HS3ST1: variants seen among roughly 807,000 people sequenced by gnomAD.
HS3ST1 encodes heparan sulfate-glucosamine 3-sulfotransferase 1, also known as heparan sulfate glucosamine 3-O-sulfotransferase 1.
HS3ST1 carries 8 observed loss-of-function variants against 20.7 expected under a neutral mutation model. The ratio of observed to expected loss-of-function variants is 0.39; its 90% CI spans 0.23 to 0.70. The LOEUF is 0.70. HS3ST1 is among the 30% of genes least tolerant of loss of function. The pLI is 0.46. For missense variants in HS3ST1, 436 were observed against 423.4 expected (o/e 1.03, Z -0.26); for synonymous variants, 205 against 190.4 (o/e 1.08, Z -0.63).
intron 1 of HS3ST1, among the ~76,000 whole-genome samples, chr4:11,410,085 A>G (rs1718577763): frequency 1.3e-5 from 2 of 152,374 alleles, no homozygotes; most frequent in Non-Finnish European, 2.9e-5. Context: ...GCAAGTCTGC[A>G]AAGAGCAATG....
In HS3ST1 at chr4:11,399,132, GC is replaced by G; in HGVS notation, c.873del (p.Glu291AspfsTer21). 6.2e-7 allele frequency: 1 copy of G among 1,614,000 alleles called. No individual in the cohort carries two copies. Among genetic ancestry groups the G allele is most frequent in the Non-Finnish European group, 8.5e-7 (1 of 1,179,916 alleles). On this transcript the variant is annotated frameshift_variant, in exon 2 of 2. Coordinates refer to ENST00000002596, the MANE Select transcript of HS3ST1 (RefSeq NM_005114.4). LOFTEE classifies it high-confidence loss of function. The surrounding 1 kb of genome is among the most constrained non-coding windows in gnomAD (Gnocchi z 5.1). ...ACAAGCTCGAAGAACTTCTTATTTGGCTCATGAAAATATTCGTGCAGTTTAT... is the reference window on the plus strand; with the variant it reads ...ACAAGCTCGAAGAACTTCTTATTTGGTCATGAAAATATTCGTGCAGTTTAT... Reference protein sequence around the residue: ...LLNKLHEYFHEPNKKFFELVG... With the variant: ...LLNKLHEYFHXPNKKFFELVG...
At chr4:11,402,261 C>A (rs575596889) in intron 1 of HS3ST1, among the ~76,000 whole-genome samples, 1 of 152,144 alleles carries the variant, frequency 6.6e-6, no homozygotes, top group Non-Finnish European at 1.5e-5. Context: ...TTTTAGAGAA[C>A]CACAGTGCAC....
chr4:11,428,291 C>A (rs997640153), intron 1 of HS3ST1, among the ~76,000 whole-genome samples: 4 of 152,216 alleles, frequency 2.6e-5, no homozygotes, highest in African/African-American at 9.6e-5. Context: ...GCCCCAGTTT[C>A]TGGCCCCAGG....
chr4:11,404,150 T>C (rs1347341553), intron 1 of HS3ST1, among the ~76,000 whole-genome samples: 1 of 152,176 alleles, frequency 6.6e-6, no homozygotes, highest in East Asian at 1.9e-4. Flanking sequence ...GTTCAAGTAG[T>C]TCTTGTGCCT....
At chr4:11,408,466 T>C (rs1718529372) in intron 1 of HS3ST1, among the ~76,000 whole-genome samples, 1 of 152,172 alleles carries the variant, frequency 6.6e-6, no homozygotes, top group African/African-American at 2.4e-5. Context: ...GAAAGGACAG[T>C]GACACATAGA....
At chr4:11,411,082 C>T (rs772275042) in intron 1 of HS3ST1, among the ~76,000 whole-genome samples, 8 of 152,040 alleles carry the variant, frequency 5.3e-5, no homozygotes, top group Non-Finnish European at 1.0e-4. Context: ...TTTTTACTAT[C>T]TTTCTTTTTA....
Position 11,397,360 on chromosome 4 carries a change from G to T in HS3ST1, c.*1722C>A, listed in dbSNP as rs943683761. 1 of 152,548 alleles carries T rather than the reference G, an allele frequency of 6.6e-6. No individual in the cohort carries two copies. Among genetic ancestry groups the T allele is most frequent in the Non-Finnish European group, 1.5e-5 (1 of 68,332 alleles). The allele number at this position is 152,548 out of a possible 1,614,324, so 9.4% of individuals were successfully genotyped here. ...CAGGTCAGGCTGGAGCTGCTGAAAC[G>T]TACCAAGGTGACTCACTTCCCTGAT... On this transcript the variant is annotated 3_prime_UTR_variant, in exon 2 of 2. Transcript: ENST00000002596.
chr4:11,425,590 A>T (rs941476766), intron 1 of HS3ST1, among the ~76,000 whole-genome samples: 8 of 152,322 alleles, frequency 5.3e-5, no homozygotes, highest in Non-Finnish European at 1.0e-4. Context: ...TCTCCCACTT[A>T]ATGTTTAGCA....
chr4:11,426,502 G>T (rs1033506735), intron 1 of HS3ST1, among the ~76,000 whole-genome samples: 4 of 152,048 alleles, frequency 2.6e-5, no homozygotes, highest in Non-Finnish European at 4.4e-5. Context: ...GGAAAGTAAA[G>T]AACCCTTTGC....
chr4:11,425,844 G>A (rs1395865730), intron 1 of HS3ST1, among the ~76,000 whole-genome samples: 2 of 152,162 alleles, frequency 1.3e-5, no homozygotes. Context: ...GGGGCAAGAA[G>A]TTGGCTTTAA....
intron 1 of HS3ST1, among the ~76,000 whole-genome samples, chr4:11,419,924 A>C (rs1718885170): frequency 6.6e-6 from 1 of 152,230 alleles, no homozygotes. Context: ...TCTGTGCTAT[A>C]ATTTTAATTA....
intron 1 of HS3ST1, among the ~76,000 whole-genome samples, chr4:11,412,676 C>A (rs1048469258): frequency 6.6e-5 from 10 of 152,098 alleles, no homozygotes; most frequent in South Asian, 2.1e-4. Flanking sequence ...CCACTCAGAT[C>A]ATACTTAGCA....
Position 11,424,854 on chromosome 4 carries a change from C to G in HS3ST1, c.-109+3845G>C, listed in dbSNP as rs1168942252. On this transcript the variant is annotated intron_variant, in intron 1 of 1. Coordinates refer to ENST00000002596, the MANE Select transcript of HS3ST1 (RefSeq NM_005114.4). ...TATGGACAAGGAGAAAGAGGCCCATCTCCCACAAAAAAAAAAAAAAATCCT... is the reference window on the plus strand; with the variant it reads ...TATGGACAAGGAGAAAGAGGCCCATGTCCCACAAAAAAAAAAAAAAATCCT... Among the ~76,000 whole-genome samples, 3 of 53,814 alleles carry G rather than the reference C, an allele frequency of 5.6e-5. No homozygotes were observed. The Admixed American group carries it at 8.6e-4, about 15-fold the overall frequency. The allele number at this position is 53,814 out of a possible 152,430, so 35.3% of individuals were successfully genotyped here.
intron 1 of HS3ST1, among the ~76,000 whole-genome samples, chr4:11,422,799 GAAATT>G (rs1481321696): frequency 1.3e-5 from 2 of 151,920 alleles, no homozygotes; most frequent in African/African-American, 4.8e-5. Context: ...GCCAGATAAA[GAAATT>G]AAAGCCTCAA....
chr4:11,422,269 C>G (rs915707950), intron 1 of HS3ST1, among the ~76,000 whole-genome samples: 2 of 152,186 alleles, frequency 1.3e-5, no homozygotes, highest in African/African-American at 4.8e-5. Flanking sequence ...TGAACCGCTT[C>G]CTAACTCCCC....
intron 1 of HS3ST1, among the ~76,000 whole-genome samples, chr4:11,410,674 A>C (rs1056028401): frequency 1.3e-5 from 2 of 152,138 alleles, no homozygotes; most frequent in African/African-American, 4.8e-5. Flanking sequence ...CGGGTAGAAC[A>C]TGAGGTCAAG....
Position 11,399,766 on chromosome 4 carries a change from C to G in HS3ST1, c.240G>C (p.Val80=). The G allele has an allele frequency of 6.2e-7, 1 of 1,613,734 alleles. No individual in the cohort carries two copies. Among genetic ancestry groups the G allele is most frequent in the Non-Finnish European group, 8.5e-7 (1 of 1,180,018 alleles). ...AGTGGACCTCGTTCTCCGCGGCCGC[C>G]ACGTCGGGGTGCAGGCTGAGCATCT... ...LLEMLSLHPD[V]AAAENEVHFF... Residue 80 remains valine (V), a synonymous_variant, in exon 2 of 2, where the codon GTG becomes GTC. Transcript: ENST00000002596. This position sits in a 1 kb window ranked among gnomAD's most constrained non-coding sequence, Gnocchi z 5.1.
rs1028561988 is a variant in HS3ST1 at position 11,400,042 on chromosome 4, G to A, written c.-37C>T. 15 of 1,456,364 alleles carry A rather than the reference G, an allele frequency of 1.0e-5. No homozygotes were observed. In the African/African-American group the frequency reaches 1.8e-4, roughly 18 times the overall value. 90.2% of individuals were successfully genotyped at this position (1,456,364 alleles called of 1,614,324 possible). A position where few individuals can be genotyped will look rare whatever the true frequency, so the allele number is the denominator to read the frequency against. ...CGGTGGCTTCACTGGGCCGCGCGCC[G>A]CTGGGTCATGAAGTGCCGCAGCAGG... On this transcript the variant is annotated 5_prime_UTR_variant, in exon 2 of 2. Transcript: ENST00000002596.
intron 1 of HS3ST1, among the ~76,000 whole-genome samples, chr4:11,421,319 CTA>C (rs1418126274): frequency 1.3e-5 from 2 of 152,194 alleles, no homozygotes; most frequent in Non-Finnish European, 2.9e-5. Context: ...GCTCCAAAAT[CTA>C]ATCTCAGAAA....
Sources: allele counts gnomAD v4.1 joint callset (sites outside exome capture counted in the v4.1 genomes callset), GRCh38; gene constraint gnomAD v4.1.1; non-coding constraint Gnocchi (gnomAD v3.1); transcripts MANE v1.5; gene names NCBI Gene and HGNC (gene_info 2026-07-23, HGNC 2026-07-21).